TERF2IP: variants seen among roughly 807,000 people sequenced by gnomAD.
The protein encoded by TERF2IP is TERF2 interacting protein, also known as telomeric repeat-binding factor 2-interacting protein 1.
In TERF2IP, 35 loss-of-function variants were observed where a neutral mutation model predicts 33.3. The observed-to-expected ratio is 1.05, with a 90% CI of 0.80 to 1.39. The LOEUF is 1.39. TERF2IP is among the 40% of genes most tolerant of loss of function. The pLI is 0.00. For missense variants in TERF2IP, 583 were observed against 524.8 expected, an observed-to-expected ratio of 1.11 and a Z score of -1.08; for synonymous variants, 253 against 223.2, an observed-to-expected ratio of 1.13 and a Z score of -1.19.
chr16:75,651,052 A>T (rs1343711457), intron 1 of TERF2IP, among the ~76,000 whole-genome samples: 1 of 152,220 alleles, frequency 6.6e-6, no homozygotes, highest in Non-Finnish European at 1.5e-5. Context: ...GTGGTTCAGG[A>T]TGCTGCCTGA....
chr16:75,656,234 A>G lies in TERF2IP; in HGVS notation c.823A>G (p.Ile275Val). 2 of 1,609,464 alleles carry G rather than the reference A, an allele frequency of 1.2e-6. No homozygotes were observed. The highest frequency in any genetic ancestry group is 1.7e-6 in the Non-Finnish European group (2 of 1,177,420). The change falls in exon 3 of 3, where the codon ATA becomes GTA. Residue 275 changes from isoleucine to valine, a missense_variant. Physicochemically the swap from Ile to Val is conservative, Grantham distance 29 (BLOSUM62 3). Coordinates refer to ENST00000300086, the MANE Select transcript of TERF2IP (RefSeq NM_018975.4). Reference sequence around the variant, plus strand: ...GGATGAGAGCCCTCCTGATTTTGAAATACATATAACTATGTGTGATGATGA... The same window carrying G: ...GGATGAGAGCCCTCCTGATTTTGAAGTACATATAACTATGTGTGATGATGA... Reference protein sequence around the residue: ...VVDESPPDFEIHITMCDDDPP... With the variant: ...VVDESPPDFEVHITMCDDDPP...
At chr16:75,652,293 T>C (rs184087828) in intron 1 of TERF2IP, among the ~76,000 whole-genome samples, 129 of 152,388 alleles carry the variant, frequency 8.5e-4, no homozygotes, top group Non-Finnish European at 1.6e-3. Flanking sequence ...TTTTTAAACT[T>C]AATTATTTAT....
In TERF2IP at chr16:75,656,402, A is replaced by G. The variant is rs1156993621; in HGVS notation, c.991A>G (p.Thr331Ala). 5.0e-6 allele frequency: 8 copies of G among 1,614,096 alleles called. No homozygotes were observed. The highest frequency in any genetic ancestry group is 3.3e-5 in the Admixed American group (2 of 60,006). ...GGAGAAGTTTAACTTGGATCTATCA[A>G]CAGTTACACAGGCCTTCCTAAAAAA... ...LMEKFNLDLS[T>A]VTQAFLKNSG... The change falls in exon 3 of 3, where the codon ACA (threonine) becomes GCA (alanine). Residue 331 changes from threonine to alanine, a missense_variant. Physicochemically the swap from Thr to Ala is moderately conservative, Grantham distance 58. Transcript: ENST00000300086.
chr16:75,648,960 C>T (rs1284280103), intron 1 of TERF2IP, among the ~76,000 whole-genome samples: 3 of 152,068 alleles, frequency 2.0e-5, no homozygotes, highest in African/African-American at 7.2e-5. Flanking sequence ...CTCCTGGGCT[C>T]AAGCGAATCT....
In TERF2IP at chr16:75,656,218, C is replaced by T. The variant is rs760745402; in HGVS notation, c.807C>T (p.Ser269=). The T allele has an allele frequency of 1.9e-6, 3 of 1,605,954 alleles. No homozygotes were observed. The highest frequency in any genetic ancestry group is 2.6e-6 in the Non-Finnish European group (3 of 1,175,788). ...ATCATTCTGTCTAGGTGGATGAGAGCCCTCCTGATTTTGAAATACATATAA... is the reference window on the plus strand; with the variant it reads ...ATCATTCTGTCTAGGTGGATGAGAGTCCTCCTGATTTTGAAATACATATAA... ...REFEEVVVDE[S]PPDFEIHITM... is the part of the protein sequence containing the mutation. Residue 269 remains serine (S), a synonymous_variant, in exon 3 of 3, where the codon AGC becomes AGT. Transcript: ENST00000300086.
At chr16:75,648,618 C>T (rs756149825) in intron 1 of TERF2IP, 66 bp downstream of exon 1, 32 of 1,451,918 alleles carry the variant, frequency 2.2e-5, no homozygotes, top group Admixed American at 1.0e-4. Context: ...TTTCTCCTGG[C>T]TGCCTGGCGT....
At position 75,647,789 on chromosome 16, in the gene TERF2IP, G is replaced by C; in HGVS notation, c.-94G>C. Reference sequence around the variant, plus strand: ...CGCAGGCCCAGTGCTGCGCTTCGCGGCAGAGGCGTCTGCGGTGACAGCTCA... The same window carrying C: ...CGCAGGCCCAGTGCTGCGCTTCGCGCCAGAGGCGTCTGCGGTGACAGCTCA... On this transcript the variant is annotated 5_prime_UTR_variant, in exon 1 of 3. Coordinates refer to ENST00000300086, the MANE Select transcript of TERF2IP (RefSeq NM_018975.4). 6.3e-7 allele frequency: 1 copy of C among 1,580,184 alleles called. No individual in the cohort carries two copies. Among genetic ancestry groups the C allele is most frequent in the Non-Finnish European group, 8.7e-7 (1 of 1,153,124 alleles).
intron 1 of TERF2IP, among the ~76,000 whole-genome samples, chr16:75,649,264 C>T (rs2082328762): frequency 6.6e-6 from 1 of 152,184 alleles, no homozygotes; most frequent in Admixed American, 6.5e-5. Context: ...TCTCTCTTGG[C>T]CGGGCGCGGC....
chr16:75,653,344 T>G (rs977980361), intron 1 of TERF2IP, among the ~76,000 whole-genome samples: 1 of 152,236 alleles, frequency 6.6e-6, no homozygotes, highest in African/African-American at 2.4e-5. Flanking sequence ...CCTTGTGGGT[T>G]GTCATCATGA....
In TERF2IP at chr16:75,656,227, T is replaced by C. The variant is rs145202452; in HGVS notation, c.816T>C (p.Asp272=). The change falls in exon 3 of 3, where the codon GAT becomes GAC. Residue 272 remains aspartate, a synonymous_variant. Transcript: ENST00000300086. ...EEVVVDESPP[D]FEIHITMCDD... ...TCTAGGTGGATGAGAGCCCTCCTGA[T>C]TTTGAAATACATATAACTATGTGTG... The C allele has an allele frequency of 6.8e-5, 109 of 1,608,562 alleles. 1 individual carries two copies. The highest frequency in any genetic ancestry group is 8.6e-5 in the Non-Finnish European group (101 of 1,177,024).
At chr16:75,648,825 A>G in intron 1 of TERF2IP, 3 of 844,746 alleles carry the variant, frequency 3.6e-6, no homozygotes, top group Non-Finnish European at 4.9e-6. Flanking sequence ...AAGTGTTGGG[A>G]TTACAGGAGT....
rs774773552 is a variant in TERF2IP, at chr16:75,654,397, G to A, written c.795G>A (p.Val265=). 6.2e-7 allele frequency: 1 copy of A among 1,612,102 alleles called. No individual in the cohort carries two copies. Among genetic ancestry groups the A allele is most frequent in the Non-Finnish European group, 8.5e-7 (1 of 1,178,814 alleles). The change falls in exon 2 of 3, where the codon GTG becomes GTA. Residue 265 remains valine (V), a splice_region_variant and synonymous_variant. Coordinates refer to ENST00000300086, the MANE Select transcript of TERF2IP (RefSeq NM_018975.4). ...VEATREFEEV[V]VDESPPDFEI... The stretch of plus-strand genomic sequence containing the variant: ...CCACCCGGGAGTTTGAGGAGGTTGT[G>A]GTATGTTAACTAGATTTACTCATTA...
intron 1 of TERF2IP, among the ~76,000 whole-genome samples, chr16:75,650,775 G>A (rs117295180): frequency 0.02 from 3,056 of 152,190 alleles, 42 homozygotes; most frequent in Non-Finnish European, 0.032. Context: ...GGGCTCAAGG[G>A]ATCTGCCCGA....
chr16:75,657,270 C>T lies in TERF2IP; in HGVS notation c.*659C>T, dbSNP rs1020933771. 3.9e-5 allele frequency: 6 copies of T among 152,248 alleles called. No homozygotes were observed. The highest frequency in any genetic ancestry group is 1.4e-4 in the African/African-American group (6 of 41,452). The allele number at this position is 152,248 out of a possible 1,614,324, so 9.4% of individuals were successfully genotyped here. A position where few individuals can be genotyped will look rare whatever the true frequency, so the allele number is the denominator to read the frequency against. Reference sequence around the variant, plus strand: ...ACCCCTCAGTTTTCCTTAAAACGCGCACACAACTCTAGAGAGTGTTAAGAA... The same window carrying T: ...ACCCCTCAGTTTTCCTTAAAACGCGTACACAACTCTAGAGAGTGTTAAGAA... On this transcript the variant is annotated 3_prime_UTR_variant, in exon 3 of 3. Coordinates refer to ENST00000300086, the MANE Select transcript of TERF2IP (RefSeq NM_018975.4).
chr16:75,653,809 T>C (rs761415111), intron 1 of TERF2IP, among the ~76,000 whole-genome samples: 17 of 152,178 alleles, frequency 1.1e-4, no homozygotes, highest in Non-Finnish European at 2.4e-4. Context: ...GGCTGAGGTC[T>C]TGTTGAAACT....
At chr16:75,649,326 C>T (rs1387476012) in intron 1 of TERF2IP, among the ~76,000 whole-genome samples, 1 of 152,110 alleles carries the variant, frequency 6.6e-6, no homozygotes, top group Non-Finnish European at 1.5e-5. Context: ...GGCGGATCAC[C>T]TGAGGTAAGG....
Position 75,647,940 on chromosome 16 carries a change from C to T in TERF2IP, c.58C>T (p.Leu20=). Residue 20 remains leucine, a synonymous_variant, in exon 1 of 3, where the codon CTG becomes TTG. Transcript: ENST00000300086. ...CAACGGGCCCACCCATTCCTCGACT[C>T]TGTTCGTGAGGGACGACGGCAGCTC... is the stretch of plus-strand genomic sequence containing the variant. The part of the protein sequence containing the change: ...DPNGPTHSST[L]FVRDDGSSMS... 1 of 1,613,352 alleles carries T rather than the reference C, an allele frequency of 6.2e-7. No individual in the cohort carries two copies. Among genetic ancestry groups the T allele is most frequent in the Non-Finnish European group, 8.5e-7 (1 of 1,179,502 alleles).
chr16:75,654,471 C>CT, intron 2 of TERF2IP, 74 bp downstream of exon 2: 1 of 1,477,048 alleles, frequency 6.8e-7, no homozygotes, highest in Non-Finnish European at 9.2e-7. Flanking sequence ...TCCTGTACAC[C>CT]TTTTTCATCT....
intron 1 of TERF2IP, among the ~76,000 whole-genome samples, chr16:75,651,689 G>A (rs1482983915): frequency 6.6e-6 from 1 of 151,790 alleles, no homozygotes; most frequent in South Asian, 2.1e-4. Context: ...ACTCCATCTC[G>A]GAAAGAAAAA....
Sources: allele counts gnomAD v4.1 joint callset (sites outside exome capture counted in the v4.1 genomes callset), GRCh38; gene constraint gnomAD v4.1.1; transcripts MANE v1.5; gene names NCBI Gene and HGNC (gene_info 2026-07-23, HGNC 2026-07-21).